CHORDC1: variants seen among roughly 807,000 people sequenced by gnomAD.
CHORDC1 encodes the protein cysteine and histidine-rich domain-containing protein 1.
Under a neutral mutation model 48.3 loss-of-function variants are expected in CHORDC1, and 25 were observed. The ratio of observed to expected loss-of-function variants is 0.52; its 90% CI spans 0.38 to 0.72. The LOEUF (loss-of-function observed/expected upper bound fraction) is 0.72, where lower values mean the gene tolerates loss of function less well. Ranked by LOEUF, CHORDC1 falls within the 30% of genes least tolerant of loss-of-function variation. The pLI is 0.00. For missense variants in CHORDC1, 317 were observed against 388.7 expected (o/e 0.82, Z 1.55); for synonymous variants, 128 against 126.4 (o/e 1.01, Z -0.09).
At chr11:90,204,395 G>A (rs1857615321) in intron 8 of CHORDC1, among the ~76,000 whole-genome samples, 1 of 151,804 alleles carries the variant, frequency 6.6e-6, no homozygotes, top group African/African-American at 2.4e-5. Flanking sequence ...TAACTTCAGG[G>A]TATTTTTATA....
Position 90,218,117 on chromosome 11 carries a change from T to A in CHORDC1, c.114+18A>T. The A allele has an allele frequency of 1.3e-6, 2 of 1,530,120 alleles. No homozygotes were observed. Among genetic ancestry groups the A allele is most frequent in the Admixed American group, 2.2e-5 (1 of 45,312 alleles). The allele number at this position is 1,530,120 out of a possible 1,614,324, so 94.8% of individuals were successfully genotyped here. ...ATTTACTACACAGATATGAAAAAAA[T>A]GAAAATATAGTTCCTACCTTTAATG... On this transcript the variant is annotated intron_variant, in intron 2 of 10. Coordinates refer to ENST00000320585, the MANE Select transcript of CHORDC1 (RefSeq NM_012124.3).
At chr11:90,214,871 C>G (rs888121064) in intron 3 of CHORDC1, among the ~76,000 whole-genome samples, 1 of 151,976 alleles carries the variant, frequency 6.6e-6, no homozygotes, top group East Asian at 1.9e-4. Flanking sequence ...AAAACTTTAT[C>G]GTTCCTAACT....
At chr11:90,218,205 A>G in intron 1 of CHORDC1, 21 bp from the exon 2 acceptor site, 1 of 1,559,958 alleles carries the variant, frequency 6.4e-7, no homozygotes, top group South Asian at 1.2e-5. Context: ...CAGAGAAAAA[A>G]AAAAAAGTAC....
At chr11:90,206,340 A>G in intron 6 of CHORDC1, 68 bp from the exon 7 acceptor site, 1 of 875,438 alleles carries the variant, frequency 1.1e-6, no homozygotes, top group Non-Finnish European at 1.9e-6. Flanking sequence ...ACATATTTGC[A>G]GTATTGGTGA....
Position 90,218,166 on chromosome 11 carries a change from G to C in CHORDC1, c.83C>G (p.Pro28Arg). ...TNSDDACTYHPGVPVFHDALK... is the reference protein window; with the variant it reads ...TNSDDACTYHRGVPVFHDALK... Reference sequence around the variant, plus strand: ...TGCATCGTGAAAGACCGGAACACCTGGGTGGTATGTGCAAGCATCTGGAGA... The same window carrying C: ...TGCATCGTGAAAGACCGGAACACCTCGGTGGTATGTGCAAGCATCTGGAGA... Residue 28 changes from proline (P) to arginine (R), a missense_variant, in exon 2 of 11, where the codon CCA (proline) becomes CGA (arginine). Transcript: ENST00000320585. The C allele has an allele frequency of 6.3e-7, 1 of 1,575,128 alleles. No homozygotes were observed. Among genetic ancestry groups the C allele is most frequent in the Non-Finnish European group, 8.6e-7 (1 of 1,167,006 alleles).
chr11:90,206,037 CACA>C, intron 7 of CHORDC1, 162 bp downstream of exon 7: 1 of 629,830 alleles, frequency 1.6e-6, no homozygotes, highest in Non-Finnish European at 2.9e-6. Context: ...TGTATAAACA[CACA>C]ACATACAAAC....
chr11:90,219,247 G>C (rs1202108776), intron 1 of CHORDC1, among the ~76,000 whole-genome samples: 1 of 151,506 alleles, frequency 6.6e-6, no homozygotes, highest in Non-Finnish European at 1.5e-5. Flanking sequence ...CTAGGTGACA[G>C]AGCAAGACTC....
intron 2 of CHORDC1, chr11:90,216,497 G>A (rs763545543): frequency 4.2e-5 from 17 of 409,428 alleles, no homozygotes; most frequent in East Asian, 8.2e-5. Context: ...TGATGTATAC[G>A]CATTTTGTCT....
intron 2 of CHORDC1, chr11:90,216,440 T>A (rs1355421679): frequency 7.4e-6 from 2 of 271,964 alleles, no homozygotes; most frequent in Non-Finnish European, 1.4e-5. Flanking sequence ...ATTTCTTTTG[T>A]CAATGCAATG....
At chr11:90,210,412 T>C (rs1857827728) in intron 6 of CHORDC1, 124 bp downstream of exon 6, 1 of 652,672 alleles carries the variant, frequency 1.5e-6, no homozygotes, top group Non-Finnish European at 2.7e-6. Context: ...GTAGCCCTAG[T>C]CCCCAGCATA....
intron 6 of CHORDC1, chr11:90,206,496 T>A: frequency 4.4e-6 from 2 of 456,662 alleles, no homozygotes; most frequent in South Asian, 4.6e-5. Flanking sequence ...CATATTAAGA[T>A]GCTTTCAGCC....
intron 6 of CHORDC1, chr11:90,207,603 T>C (rs941890764): frequency 2.6e-5 from 4 of 151,672 alleles, no homozygotes; most frequent in African/African-American, 9.7e-5. Flanking sequence ...TCTTACAAAC[T>C]GGTAAGCAAG....
rs1295456597 is a variant in CHORDC1 at position 90,201,650 on chromosome 11, A to C, written c.*755T>G. 6.6e-6 allele frequency: 1 copy of C among 152,474 alleles called. No homozygotes were observed. Among genetic ancestry groups the C allele is most frequent in the East Asian group, 1.9e-4 (1 of 5,200 alleles). 9.4% of individuals were successfully genotyped at this position (152,474 alleles called of 1,614,324 possible). ...AGGGCTTAGTCTCTAAATCAGTAAC[A>C]ATTAGTCATAACACCATACAAACAC... On this transcript the variant is annotated 3_prime_UTR_variant, in exon 11 of 11. Transcript: ENST00000320585.
At chr11:90,209,706 T>C (rs1857807750) in intron 6 of CHORDC1, among the ~76,000 whole-genome samples, 1 of 152,178 alleles carries the variant, frequency 6.6e-6, no homozygotes, top group Non-Finnish European at 1.5e-5. Context: ...CTGGTATGTT[T>C]GACCGCATCC....
intron 6 of CHORDC1, chr11:90,206,853 T>C (rs1857708394): frequency 3.4e-6 from 3 of 877,296 alleles, no homozygotes; most frequent in Non-Finnish European, 3.2e-6. Flanking sequence ...AAAACATGGA[T>C]GTAGCCAGTA....
Position 90,211,601 on chromosome 11 carries a change from C to G in CHORDC1, c.330-283G>C, listed in dbSNP as rs558429709. ...TGCACTAACGAGAAAGGAATAAAGA[C>G]TAGGAATCCAAGGTTTTCAAGATGA... is the stretch of plus-strand genomic sequence containing the variant. On this transcript the variant is annotated intron_variant, in intron 4 of 10. Coordinates refer to ENST00000320585, the MANE Select transcript of CHORDC1 (RefSeq NM_012124.3). The G allele has an allele frequency of 1.1e-5, 3 of 269,112 alleles. No homozygotes were observed. In the South Asian group the frequency reaches 1.3e-4, roughly 11 times the overall value. The allele number at this position is 269,112 out of a possible 1,614,324, so 16.7% of individuals were successfully genotyped here. A position where few individuals can be genotyped will look rare whatever the true frequency, so the allele number is the denominator to read the frequency against.
chr11:90,214,347 C>T (rs1857951683), intron 3 of CHORDC1, among the ~76,000 whole-genome samples, 172 bp from the exon 4 acceptor site: 1 of 152,114 alleles, frequency 6.6e-6, no homozygotes, highest in Non-Finnish European at 1.5e-5. Context: ...TTTGCTGAAT[C>T]TCTGAATGAC....
intron 2 of CHORDC1, among the ~76,000 whole-genome samples, chr11:90,216,127 A>G (rs1456745091): frequency 6.6e-6 from 1 of 152,126 alleles, no homozygotes; most frequent in Non-Finnish European, 1.5e-5. Flanking sequence ...ATCAATTACT[A>G]CAACCTTAAA....
intron 8 of CHORDC1, among the ~76,000 whole-genome samples, chr11:90,204,099 T>C (rs1057438923): frequency 2.0e-5 from 3 of 152,098 alleles, no homozygotes; most frequent in Admixed American, 6.5e-5. Flanking sequence ...TTGTAAAAGG[T>C]ACTATTTTCG....
Sources: allele counts gnomAD v4.1 joint callset (sites outside exome capture counted in the v4.1 genomes callset), GRCh38; gene constraint gnomAD v4.1.1; transcripts MANE v1.5; gene names NCBI Gene and HGNC (gene_info 2026-07-23, HGNC 2026-07-21).